Variants in PPM1H observed in about 807,000 individuals in gnomAD.
The protein encoded by PPM1H is protein phosphatase, Mg2+/Mn2+ dependent 1H.
In PPM1H, 27 loss-of-function variants were observed where a neutral mutation model predicts 54.9. That is an observed-to-expected ratio of 0.49 (90% CI 0.36 to 0.68). PPM1H has a LOEUF of 0.68. Among genes scored for constraint, PPM1H ranks in the 30% least tolerant of loss-of-function variants. The probability of loss-of-function intolerance (pLI) is 0.00; values close to 1 mark genes in which losing one functional copy is unlikely to be tolerated. For synonymous variants in PPM1H, 305 were observed against 270.8 expected (o/e 1.13, Z -1.24); for missense variants, 596 against 667.8 (o/e 0.89, Z 1.19).
At chr12:62,846,499 CA>C (rs34661143) in intron 1 of PPM1H, among the ~76,000 whole-genome samples, 134 of 138,304 alleles carry the variant, frequency 9.7e-4, no homozygotes, top group East Asian at 5.2e-3. Context: ...GATTCCGCCT[CA>C]AAAAAAAAAA....
At chr12:62,793,739 T>TTA (rs2076714193) in intron 3 of PPM1H, among the ~76,000 whole-genome samples, 1 of 51,424 alleles carries the variant, frequency 1.9e-5, no homozygotes, top group South Asian at 6.4e-4. Flanking sequence ...AAACTCCGTT[T>TTA]CAAAAAAAAA....
chr12:62,809,369 A>C (rs1366594170), intron 2 of PPM1H, among the ~76,000 whole-genome samples: 1 of 152,232 alleles, frequency 6.6e-6, no homozygotes, highest in Non-Finnish European at 1.5e-5. Context: ...TATTTTAAGG[A>C]TATGAGGATT....
At chr12:62,771,026 C>A (rs2076575850) in intron 4 of PPM1H, among the ~76,000 whole-genome samples, 1 of 142,668 alleles carries the variant, frequency 7.0e-6, no homozygotes, top group Non-Finnish European at 1.5e-5. Context: ...ACAGCTAAGT[C>A]TTGCAGGAAA....
At chr12:62,670,099 TC>T in intron 8 of PPM1H, among the ~76,000 whole-genome samples, 1 of 145,760 alleles carries the variant, frequency 6.9e-6, no homozygotes. Flanking sequence ...TGCTTCAGCC[TC>T]CCTAGTAGCT....
chr12:62,706,498 T>C (rs2076175171), intron 6 of PPM1H, among the ~76,000 whole-genome samples: 1 of 152,248 alleles, frequency 6.6e-6, no homozygotes, highest in African/African-American at 2.4e-5. Context: ...TAACGGATTT[T>C]CACATACCCC....
At chr12:62,718,288 T>C (rs968469814) in intron 6 of PPM1H, among the ~76,000 whole-genome samples, 5 of 152,180 alleles carry the variant, frequency 3.3e-5, no homozygotes, top group Non-Finnish European at 5.9e-5. Flanking sequence ...TAGTTTCTTA[T>C]TCATTTTCGT....
chr12:62,728,008 A>G (rs952062246), intron 5 of PPM1H, among the ~76,000 whole-genome samples: 1 of 152,140 alleles, frequency 6.6e-6, no homozygotes, highest in Admixed American at 6.6e-5. Context: ...ATTAAAAAAA[A>G]AGGATCTCTT....
In PPM1H at chr12:62,865,208, G is replaced by A. The variant is rs1211138843; in HGVS notation, c.246-32929C>T. 2.0e-5 allele frequency among the ~76,000 whole-genome samples: 3 copies of A among 152,158 alleles called. No homozygotes were observed. The East Asian group carries it at 5.8e-4, about 29-fold the overall frequency. Reference sequence around the variant, plus strand: ...GTCCTTTCATTTTATTTAGTAGCCTGACAAGGATCTGGTCCAAGCTTTTCA... The same window carrying A: ...GTCCTTTCATTTTATTTAGTAGCCTAACAAGGATCTGGTCCAAGCTTTTCA... On this transcript the variant is annotated intron_variant, in intron 1 of 9. Transcript: ENST00000228705.
At chr12:62,795,408 T>C (rs1442910353) in intron 3 of PPM1H, among the ~76,000 whole-genome samples, 1 of 152,020 alleles carries the variant, frequency 6.6e-6, no homozygotes, top group African/African-American at 2.4e-5. Flanking sequence ...TCTATATTCA[T>C]ATAATGTGGG....
chr12:62,877,509 G>C (rs968328666), intron 1 of PPM1H, among the ~76,000 whole-genome samples: 2 of 152,162 alleles, frequency 1.3e-5, no homozygotes, highest in African/African-American at 4.8e-5. Flanking sequence ...ATTAACATCA[G>C]TTGAGCTTAC....
intron 4 of PPM1H, among the ~76,000 whole-genome samples, chr12:62,784,049 C>T (rs1050644497): frequency 6.6e-6 from 1 of 152,132 alleles, no homozygotes; most frequent in African/African-American, 2.4e-5. Context: ...AGTGAAAATC[C>T]GCCCACCATC....
rs182181642 is a variant in PPM1H, at chr12:62,844,642, A to G, written c.246-12363T>C. On this transcript the variant is annotated intron_variant, in intron 1 of 9. Transcript: ENST00000228705. This position sits in a 1 kb window ranked among gnomAD's most constrained non-coding sequence, Gnocchi z 5.2. ...CAAGGTGGACTACCAATATATTTCA[A>G]TTAGTCAAGGGTAGATGTGTTCCAA... Among the ~76,000 whole-genome samples, 59 of 152,362 alleles carry G rather than the reference A, an allele frequency of 3.9e-4. No homozygotes were observed. The highest frequency in any genetic ancestry group is 7.2e-4 in the Non-Finnish European group (49 of 68,034).
chr12:62,747,021 G>C (rs2076416095), intron 4 of PPM1H, among the ~76,000 whole-genome samples: 1 of 152,146 alleles, frequency 6.6e-6, no homozygotes, highest in Admixed American at 6.5e-5. Context: ...GCACGATCGT[G>C]GCTCACTGCA....
intron 9 of PPM1H, among the ~76,000 whole-genome samples, chr12:62,664,745 CCTTTT>C: frequency 6.6e-6 from 1 of 152,266 alleles, no homozygotes; most frequent in East Asian, 1.9e-4. Context: ...GGGATCATTT[CCTTTT>C]CTTACCTGAG....
chr12:62,713,809 AT>A (rs1344067482), intron 6 of PPM1H, among the ~76,000 whole-genome samples: 2 of 152,050 alleles, frequency 1.3e-5, no homozygotes, highest in African/African-American at 2.4e-5. Flanking sequence ...TCTCTACAAA[AT>A]ACACAAAAAT....
intron 1 of PPM1H, among the ~76,000 whole-genome samples, chr12:62,853,565 C>G (rs1237924601): frequency 1.3e-5 from 2 of 152,108 alleles, no homozygotes; most frequent in Non-Finnish European, 2.9e-5. Flanking sequence ...AATTAAGACT[C>G]AAATGTAGTT....
At chr12:62,707,913 C>T (rs2076184208) in intron 6 of PPM1H, among the ~76,000 whole-genome samples, 1 of 152,124 alleles carries the variant, frequency 6.6e-6, no homozygotes, top group African/African-American at 2.4e-5. Flanking sequence ...ATCTGATCTA[C>T]CCTGGAAGAC....
intron 1 of PPM1H, among the ~76,000 whole-genome samples, chr12:62,923,272 T>TAC (rs1233653001): frequency 6.6e-6 from 1 of 152,168 alleles, no homozygotes; most frequent in Admixed American, 6.5e-5. Context: ...CAGAAATGGG[T>TAC]ACACACACAG....
chr12:62,673,713 CTCTTTTTTTTT>C (rs1460170768), intron 8 of PPM1H, among the ~76,000 whole-genome samples: 22 of 47,570 alleles, frequency 4.6e-4, no homozygotes, highest in African/African-American at 1.3e-3. Context: ...AGAAGAGCCA[CTCTTTTTTTTT>C]TTTTTTTTTT....
Sources: gnomAD v4.1 joint callset for allele counts (sites outside exome capture counted in the v4.1 genomes callset) on GRCh38, gnomAD v4.1.1 for gene constraint, Gnocchi (gnomAD v3.1) non-coding constraint, MANE v1.5 for transcripts, NCBI Gene and HGNC (gene_info 2026-07-23, HGNC 2026-07-21) for gene names.